Variants in CACNB2 observed in about 807,000 individuals in gnomAD.
CACNB2 encodes the protein calcium voltage-gated channel auxiliary subunit beta 2.
CACNB2 carries 42 observed loss-of-function variants against 73.3 expected under a neutral mutation model. The ratio of observed to expected loss-of-function variants is 0.57; its 90% CI spans 0.45 to 0.74. The LOEUF (loss-of-function observed/expected upper bound fraction) is 0.74, where lower values mean the gene tolerates loss of function less well. Ranked by LOEUF, CACNB2 falls within the 30% of genes least tolerant of loss-of-function variation. The pLI, the probability that CACNB2 is intolerant of heterozygous loss-of-function variation, is 0.00. For missense variants in CACNB2, 940 were observed against 853.0 expected, an observed-to-expected ratio of 1.10 and a Z score of -1.27; for synonymous variants, 348 against 310.3, an observed-to-expected ratio of 1.12 and a Z score of -1.28.
At chr10:18,267,191 C>A (rs369350345) in intron 2 of CACNB2, among the ~76,000 whole-genome samples, 3,128 of 56,798 alleles carry the variant, frequency 0.055, 47 homozygotes, top group East Asian at 0.38. Context: ...ATATTTGGAA[C>A]TGCATTTTTT....
chr10:18,273,963 A>G (rs192112406), intron 2 of CACNB2, among the ~76,000 whole-genome samples: 6 of 152,292 alleles, frequency 3.9e-5, no homozygotes, highest in African/African-American at 1.4e-4. Flanking sequence ...TGTTGGAACC[A>G]CAGGTCTGAA....
intron 2 of CACNB2, among the ~76,000 whole-genome samples, chr10:18,331,496 A>G (rs2040806033): frequency 6.6e-6 from 1 of 150,442 alleles, no homozygotes; most frequent in South Asian, 2.1e-4. Context: ...AAAATTGCAC[A>G]ATTTCTTCTG....
intron 9 of CACNB2, 38 bp from the exon 10 acceptor site, chr10:18,527,550 A>G (rs1448379310): frequency 2.2e-6 from 3 of 1,359,352 alleles, no homozygotes; most frequent in Admixed American, 1.7e-5. Flanking sequence ...GATTAGACCA[A>G]TAACCTTAAG....
chr10:18,507,994 T>C (rs185146327), intron 6 of CACNB2, among the ~76,000 whole-genome samples: 226 of 152,210 alleles, frequency 1.5e-3, no homozygotes, highest in Non-Finnish European at 2.6e-3. Context: ...AGGCTGTTCT[T>C]GAAACTCCTG....
At chr10:18,277,475 A>ACT (rs2038348499) in intron 2 of CACNB2, among the ~76,000 whole-genome samples, 1 of 152,210 alleles carries the variant, frequency 6.6e-6, no homozygotes, top group Admixed American at 6.5e-5. Flanking sequence ...AGTGGCCAAC[A>ACT]CTCTAATACA....
At chr10:18,445,877 T>C (rs1208309867) in intron 3 of CACNB2, among the ~76,000 whole-genome samples, 4 of 152,058 alleles carry the variant, frequency 2.6e-5, no homozygotes, top group African/African-American at 7.2e-5. Flanking sequence ...CTACCAAAAA[T>C]ACAAAAATTA....
intron 2 of CACNB2, among the ~76,000 whole-genome samples, chr10:18,294,412 G>A (rs1564411749): frequency 6.6e-6 from 1 of 152,220 alleles, no homozygotes; most frequent in East Asian, 1.9e-4. Flanking sequence ...AATGTTCACA[G>A]AGTGCCTCTT....
chr10:18,274,824 C>G (rs2131664357), intron 2 of CACNB2, among the ~76,000 whole-genome samples: 1 of 152,192 alleles, frequency 6.6e-6, no homozygotes, highest in South Asian at 2.1e-4. Context: ...CAAAATGAAT[C>G]CCCGCTTCAA....
intron 12 of CACNB2, 79 bp downstream of exon 12, chr10:18,536,275 G>GTTTTTTTT (rs2053587888): frequency 0.015 from 1,356 of 92,412 alleles, 289 homozygotes; most frequent in African/African-American, 0.068. Context: ...TTTTTTTTTG[G>GTTTTTTTT]GGGACAAGGT....
chr10:18,505,181 T>C (rs1420084190), intron 5 of CACNB2, among the ~76,000 whole-genome samples: 1 of 152,064 alleles, frequency 6.6e-6, no homozygotes, highest in Non-Finnish European at 1.5e-5. Context: ...ATTTTGGCTG[T>C]TACTAAAATT....
intron 2 of CACNB2, among the ~76,000 whole-genome samples, chr10:18,273,518 A>T (rs917148188): frequency 6.6e-6 from 1 of 152,166 alleles, no homozygotes; most frequent in African/African-American, 2.4e-5. Context: ...TTAGAAAGTG[A>T]AGAATTAACA....
At chr10:18,236,417 T>C (rs1254132298) in intron 2 of CACNB2, among the ~76,000 whole-genome samples, 1 of 152,058 alleles carries the variant, frequency 6.6e-6, no homozygotes, top group African/African-American at 2.4e-5. Flanking sequence ...ACAGGTGAGG[T>C]AGAGAGAAAA....
intron 2 of CACNB2, among the ~76,000 whole-genome samples, chr10:18,392,581 G>A (rs572659463): frequency 6.6e-6 from 1 of 152,116 alleles, no homozygotes; most frequent in Non-Finnish European, 1.5e-5. Context: ...GACAAGAGCT[G>A]GCAGAGAAAA....
At chr10:18,281,627 C>G (rs1294876261) in intron 2 of CACNB2, among the ~76,000 whole-genome samples, 1 of 152,060 alleles carries the variant, frequency 6.6e-6, no homozygotes, top group East Asian at 1.9e-4. Flanking sequence ...AGACCTCTTT[C>G]CCAAAAAGCA....
intron 12 of CACNB2, 23 bp from the exon 13 acceptor site, chr10:18,538,157 G>C: frequency 6.2e-7 from 1 of 1,613,740 alleles, no homozygotes. Context: ...CATCAATGTG[G>C]TCTGGAATGT....
intron 2 of CACNB2, among the ~76,000 whole-genome samples, chr10:18,337,680 C>T (rs1040237818): frequency 1.3e-5 from 2 of 152,102 alleles, no homozygotes; most frequent in Admixed American, 6.5e-5. Context: ...CAAATATACT[C>T]CTCTCCAGAC....
At chr10:18,433,546 T>C (rs900038470) in intron 3 of CACNB2, among the ~76,000 whole-genome samples, 1 of 152,130 alleles carries the variant, frequency 6.6e-6, no homozygotes, top group African/African-American at 2.4e-5. Context: ...TATAGAGTGT[T>C]AAGGAGGTGT....
At chr10:18,372,680 T>C (rs1387626926) in intron 2 of CACNB2, among the ~76,000 whole-genome samples, 1 of 152,218 alleles carries the variant, frequency 6.6e-6, no homozygotes, top group Non-Finnish European at 1.5e-5. Flanking sequence ...GTGCTGGGAT[T>C]ACAGATATGA....
Position 18,498,447 on chromosome 10 carries a change from C to G in CACNB2, c.426C>G (p.Phe142Leu). Residue 142 changes from phenylalanine to leucine, a missense_variant, in exon 4 of 14, where the codon TTC (phenylalanine) becomes TTG (leucine). By Grantham distance (22) the Phe-to-Leu change is conservative. Coordinates refer to ENST00000324631, the MANE Select transcript of CACNB2 (RefSeq NM_201596.3). The part of the protein sequence containing the change: ...DVPVPGMAIS[F>L]EAKDFLHVKE... Reference sequence around the variant, plus strand: ...CAGTGCCTGGCATGGCCATCTCATTCGAAGCAAAAGATTTTCTGCATGTTA... The same window carrying G: ...CAGTGCCTGGCATGGCCATCTCATTGGAAGCAAAAGATTTTCTGCATGTTA... 6.2e-7 allele frequency: 1 copy of G among 1,613,950 alleles called. No individual in the cohort carries two copies. Among genetic ancestry groups the G allele is most frequent in the East Asian group, 2.2e-5 (1 of 44,882 alleles).
Sources: gnomAD v4.1 joint callset for allele counts (sites outside exome capture counted in the v4.1 genomes callset) on GRCh38, gnomAD v4.1.1 for gene constraint, MANE v1.5 for transcripts, NCBI Gene and HGNC (gene_info 2026-07-23, HGNC 2026-07-21) for gene names.